Variants in R3HDM1 observed in about 807,000 individuals in gnomAD.
The protein encoded by R3HDM1 is R3H domain-containing protein 1.
Under a neutral mutation model 141.1 loss-of-function variants are expected in R3HDM1, and 46 were observed. The observed-to-expected ratio is 0.33, with a 90% CI of 0.26 to 0.42. The LOEUF (loss-of-function observed/expected upper bound fraction) is 0.42. Ranked by LOEUF, R3HDM1 falls within the 10% of genes least tolerant of loss-of-function variation. The probability of loss-of-function intolerance (pLI) is 1.00; values close to 1 mark genes in which losing one functional copy is unlikely to be tolerated. For synonymous variants in R3HDM1, 435 were observed against 472.9 expected, an observed-to-expected ratio of 0.92 and a Z score of 1.04; for missense variants, 1,184 against 1,368.3, an observed-to-expected ratio of 0.87 and a Z score of 2.12.
chr2:135,635,097 T>C (rs1405305795), intron 9 of R3HDM1, among the ~76,000 whole-genome samples: 5 of 152,232 alleles, frequency 3.3e-5, no homozygotes, highest in African/African-American at 7.2e-5. Context: ...CAACTTTGAC[T>C]TCTATAAAAG....
intron 16 of R3HDM1, among the ~76,000 whole-genome samples, chr2:135,646,426 C>T (rs1313043677): frequency 7.2e-5 from 11 of 151,744 alleles, no homozygotes; most frequent in East Asian, 2.0e-4. Flanking sequence ...TGAGCCACCG[C>T]GCCCGGCCTA....
At position 135,549,156 on chromosome 2, in the gene R3HDM1, A is replaced by T. The variant is rs534556062; in HGVS notation, c.-250+17523A>T. Among the ~76,000 whole-genome samples, 9 of 152,336 alleles carry T rather than the reference A, an allele frequency of 5.9e-5. No homozygotes were observed. The South Asian group carries it at 1.9e-3, about 32-fold the overall frequency. On this transcript the variant is annotated intron_variant, in intron 1 of 26. Coordinates refer to ENST00000683871, the MANE Select transcript of R3HDM1 (RefSeq NM_001378107.1). ...ATTAATTAGGTGTAATTAAGTATGT[A>T]TCTTTCCTAGAATGCATTTATATGC...
At chr2:135,606,454 C>G (rs1242274993) in intron 3 of R3HDM1, 1 of 151,984 alleles carries the variant, frequency 6.6e-6, no homozygotes, top group Non-Finnish European at 1.5e-5. Context: ...CACCTTTAAG[C>G]TACCACAAAA....
rs2063198346 is a variant in R3HDM1 at position 135,635,879 on chromosome 2, T to G, written c.699-11T>G. 3 of 1,572,148 alleles carry G rather than the reference T, an allele frequency of 1.9e-6. No individual in the cohort carries two copies. The highest frequency in any genetic ancestry group is 1.4e-5 in the African/African-American group (1 of 72,532). ...TTTCCTGTTCCTTTGTTTTTGTTTT[T>G]GTTTTTTAAGACCTGATCAGAAATT... On this transcript the variant is annotated splice_polypyrimidine_tract_variant and intron_variant, in intron 9 of 26. Coordinates refer to ENST00000683871, the MANE Select transcript of R3HDM1 (RefSeq NM_001378107.1).
chr2:135,635,851 T>G, intron 9 of R3HDM1, 39 bp from the exon 10 acceptor site: 1 of 1,548,270 alleles, frequency 6.5e-7, no homozygotes, highest in Non-Finnish European at 8.7e-7. Flanking sequence ...TTGTTCATTA[T>G]CTTTTCCTGT....
At chr2:135,561,388 G>GA (rs1701767772) in intron 1 of R3HDM1, 1 of 917,144 alleles carries the variant, frequency 1.1e-6, no homozygotes, top group Non-Finnish European at 1.3e-6. Context: ...TTAACGTGGA[G>GA]AAAACAGAAT....
rs1703559458 is a variant in R3HDM1 at position 135,569,478 on chromosome 2, A to T, written c.-249-33022A>T. Among the ~76,000 whole-genome samples, 5 of 151,642 alleles carry T rather than the reference A, an allele frequency of 3.3e-5. No homozygotes were observed. In the South Asian group the frequency reaches 1.0e-3, roughly 32 times the overall value. ...AGCCTGGGCAACAAAATGAGACTCC[A>T]TCTAAAAAAAAAAAAATTCATAATC... On this transcript the variant is annotated intron_variant, in intron 1 of 26. Coordinates refer to ENST00000683871, the MANE Select transcript of R3HDM1 (RefSeq NM_001378107.1).
At chr2:135,684,596 G>T (rs1406863415) in intron 21 of R3HDM1, among the ~76,000 whole-genome samples, 3 of 152,116 alleles carry the variant, frequency 2.0e-5, no homozygotes, top group Non-Finnish European at 4.4e-5. Context: ...TAATCATCAT[G>T]CCCTGCTCCA....
chr2:135,570,602 A>G (rs535810500), intron 1 of R3HDM1, among the ~76,000 whole-genome samples: 1 of 152,360 alleles, frequency 6.6e-6, no homozygotes, highest in Admixed American at 6.5e-5. Flanking sequence ...TAATGCTAGA[A>G]TCAGTTCCCC....
intron 19 of R3HDM1, among the ~76,000 whole-genome samples, chr2:135,673,150 G>T (rs1411567992): frequency 6.6e-6 from 1 of 152,108 alleles, no homozygotes; most frequent in Middle Eastern, 3.2e-3. Flanking sequence ...ATTTACTCAT[G>T]CAGCTTTCAT....
chr2:135,565,371 T>G (rs1702559856), intron 1 of R3HDM1, among the ~76,000 whole-genome samples: 1 of 148,168 alleles, frequency 6.7e-6, no homozygotes, highest in South Asian at 2.1e-4. Context: ...TATTTTTAAA[T>G]TTAAGAGACA....
intron 18 of R3HDM1, among the ~76,000 whole-genome samples, chr2:135,659,440 TC>T (rs906040476): frequency 6.6e-5 from 10 of 151,644 alleles, no homozygotes; most frequent in Admixed American, 3.3e-4. Context: ...AGGACTACAT[TC>T]TTTTTTTTTT....
intron 26 of R3HDM1, among the ~76,000 whole-genome samples, chr2:135,723,716 G>A (rs973330176): frequency 7.1e-6 from 1 of 140,838 alleles, no homozygotes; most frequent in Non-Finnish European, 1.5e-5. Flanking sequence ...GGTGGAGGTT[G>A]CAGTGAGCCG....
intron 21 of R3HDM1, among the ~76,000 whole-genome samples, chr2:135,702,432 T>A (rs887041562): frequency 6.6e-6 from 1 of 151,886 alleles, no homozygotes; most frequent in African/African-American, 2.4e-5. Flanking sequence ...AGGCCAAGGC[T>A]GGCGGATCAC....
chr2:135,717,301 T>C (rs1021468303), intron 24 of R3HDM1, among the ~76,000 whole-genome samples: 1 of 151,968 alleles, frequency 6.6e-6, no homozygotes, highest in South Asian at 2.1e-4. Flanking sequence ...CTGGCCAACA[T>C]AGTGAAACCC....
intron 3 of R3HDM1, among the ~76,000 whole-genome samples, chr2:135,608,257 AG>A (rs1303038442): frequency 6.6e-6 from 1 of 152,108 alleles, no homozygotes; most frequent in African/African-American, 2.4e-5. Context: ...CGGAGGTTGC[AG>A]TGAACCGAGA....
chr2:135,613,430 T>C (rs2060727662), intron 3 of R3HDM1, among the ~76,000 whole-genome samples: 1 of 152,168 alleles, frequency 6.6e-6, no homozygotes, highest in South Asian at 2.1e-4. Context: ...CAGAGAAATG[T>C]TTGAGCTTTT....
chr2:135,638,935 T>G lies in R3HDM1; in HGVS notation c.1032T>G (p.His344Gln). ...CTTCAGGGAGATCTACAAATAGCCA[T>G]CAAAGCAGCACTGAGAATGAGTTGA... ...KDASGRSTNS[H>Q]QSSTENELKY... The change falls in exon 14 of 27, where the codon CAT becomes CAG. Residue 344 changes from histidine (H) to glutamine (Q), a missense_variant. Physicochemically the swap from His to Gln is conservative, Grantham distance 24. Transcript: ENST00000683871. 6.2e-7 allele frequency: 1 copy of G among 1,614,080 alleles called. No homozygotes were observed. The highest frequency in any genetic ancestry group is 8.5e-7 in the Non-Finnish European group (1 of 1,179,994).
chr2:135,608,224 G>C (rs2060243342), intron 3 of R3HDM1, among the ~76,000 whole-genome samples: 1 of 152,080 alleles, frequency 6.6e-6, no homozygotes, highest in Non-Finnish European at 1.5e-5. Flanking sequence ...GCTGAGACAG[G>C]AGAATCACTT....
Sources: gnomAD v4.1 joint callset for allele counts (sites outside exome capture counted in the v4.1 genomes callset) on GRCh38, gnomAD v4.1.1 for gene constraint, MANE v1.5 for transcripts, NCBI Gene and HGNC (gene_info 2026-07-23, HGNC 2026-07-21) for gene names.